The following DDC variants were observed in gnomAD, a reference collection of about 807,000 sequenced individuals.
DDC encodes the protein aromatic-L-amino-acid decarboxylase.
Under a neutral mutation model 60.0 loss-of-function variants are expected in DDC, and 43 were observed. The observed-to-expected ratio is 0.72, with a 90% confidence interval of 0.56 to 0.92. The LOEUF is 0.92. DDC is among the 40% of genes least tolerant of loss of function. The pLI is 0.00. For synonymous variants in DDC, 232 were observed against 234.6 expected (o/e 0.99, Z 0.10); for missense variants, 573 against 620.2 (o/e 0.92, Z 0.81).
chr7:50,492,766 CA>C lies in DDC; in HGVS notation c.944+2583del. The C allele has an allele frequency of 2.1e-6, 3 of 1,456,052 alleles. No homozygotes were observed. In the South Asian group the frequency reaches 4.2e-5, roughly 20 times the overall value. The allele number at this position is 1,456,052 out of a possible 1,614,324, so 90.2% of individuals were successfully genotyped here. A position where few individuals can be genotyped will look rare whatever the true frequency, so the allele number is the denominator to read the frequency against. On this transcript the variant is annotated intron_variant, in intron 9 of 14. Coordinates refer to ENST00000444124, the MANE Select transcript of DDC (RefSeq NM_001082971.2). ...CTTCCCTACATCACCTCCACTTTGTCAAATTTCCCCTCACAGGCTGGTGGCT... is the reference window on the plus strand; with the variant it reads ...CTTCCCTACATCACCTCCACTTTGTCAATTTCCCCTCACAGGCTGGTGGCT...
intron 11 of DDC, among the ~76,000 whole-genome samples, chr7:50,475,222 G>A (rs561947585): frequency 3.5e-4 from 53 of 152,200 alleles, no homozygotes; most frequent in Non-Finnish European, 5.9e-4. Flanking sequence ...ACAGAGGCGC[G>A]AGGATGAAAG....
At chr7:50,534,795 T>C (rs1287832428) in intron 4 of DDC, among the ~76,000 whole-genome samples, 1 of 152,206 alleles carries the variant, frequency 6.6e-6, no homozygotes, top group Non-Finnish European at 1.5e-5. Context: ...GCTGTCCCAC[T>C]GGGTCGCTGA....
Position 50,479,770 on chromosome 7 carries a change from G to A in DDC, c.1021+17C>T. 6.2e-7 allele frequency: 1 copy of A among 1,611,096 alleles called. No individual in the cohort carries two copies. Among genetic ancestry groups the A allele is most frequent in the South Asian group, 1.1e-5 (1 of 90,992 alleles). On this transcript the variant is annotated intron_variant, in intron 10 of 14. Coordinates refer to ENST00000444124, the MANE Select transcript of DDC (RefSeq NM_001082971.2). ...CAAGACCAGAAACAGTCCACAGAAA[G>A]CAGGCTCACAGCTTACCTGAATCCT...
chr7:50,467,292 A>G lies in DDC; in HGVS notation c.1164T>C (p.Phe388=), dbSNP rs369370213. 3.1e-6 allele frequency: 5 copies of G among 1,614,066 alleles called. No homozygotes were observed. The highest frequency in any genetic ancestry group is 4.2e-6 in the Non-Finnish European group (5 of 1,179,994). The change falls in exon 13 of 15, where the codon TTT becomes TTC. Residue 388 remains phenylalanine (F), a synonymous_variant. Coordinates refer to ENST00000444124, the MANE Select transcript of DDC (RefSeq NM_001082971.2). ...IRKHVQLSHE[F]ESLVRQDPRF... ...GGGGATCCTGGCGCACCAGTGACTC[A>G]AACTCATGGGACAGCTGGACATGCT...
chr7:50,535,528 C>T (rs78180266), intron 4 of DDC, among the ~76,000 whole-genome samples: 15,294 of 152,236 alleles, frequency 0.1, 820 homozygotes, highest in South Asian at 0.12. Context: ...AGGAGGAGCA[C>T]GTGGAGGGAT....
At chr7:50,534,664 T>C (rs1229928341) in intron 4 of DDC, among the ~76,000 whole-genome samples, 1 of 151,592 alleles carries the variant, frequency 6.6e-6, no homozygotes, top group Non-Finnish European at 1.5e-5. Flanking sequence ...AAGTAGACCT[T>C]GTCCCGTGTA....
chr7:50,539,725 T>G (rs1252813545), intron 3 of DDC, 190 bp downstream of exon 3: 1 of 593,744 alleles, frequency 1.7e-6, no homozygotes, highest in East Asian at 3.1e-5. Flanking sequence ...AGACTTTCTC[T>G]GTTCTCAATC....
intron 1 of DDC, among the ~76,000 whole-genome samples, chr7:50,562,706 C>A (rs1183432693): frequency 6.6e-6 from 1 of 152,248 alleles, no homozygotes; most frequent in Non-Finnish European, 1.5e-5. Context: ...GCTGGGGCTG[C>A]ACTGCTCCCT....
Position 50,458,448 on chromosome 7 carries a change from T to A in DDC, c.*414A>T, listed in dbSNP as rs2042172617. 6.6e-6 allele frequency: 1 copy of A among 152,236 alleles called. No homozygotes were observed. The highest frequency in any genetic ancestry group is 1.5e-5 in the Non-Finnish European group (1 of 68,032). The allele number at this position is 152,236 out of a possible 1,614,324, so 9.4% of individuals were successfully genotyped here. A position where few individuals can be genotyped will look rare whatever the true frequency, so the allele number is the denominator to read the frequency against. On this transcript the variant is annotated 3_prime_UTR_variant, in exon 15 of 15. Transcript: ENST00000444124. The stretch of plus-strand genomic sequence containing the variant: ...TCATCTGACACAATTAGTATTTCAC[T>A]TGAATTGTTTATTAGGCATTTAGCC...
intron 6 of DDC, among the ~76,000 whole-genome samples, chr7:50,519,038 A>G (rs759164123): frequency 6.6e-6 from 1 of 152,208 alleles, no homozygotes; most frequent in African/African-American, 2.4e-5. Context: ...CAAACAAATC[A>G]GTAACACGAT....
chr7:50,493,022 G>A (rs780626501), intron 9 of DDC: 57 of 1,575,962 alleles, frequency 3.6e-5, no homozygotes, highest in Non-Finnish European at 4.7e-5. Flanking sequence ...GCAGGACGCC[G>A]CATTCATTAC....
At chr7:50,542,333 G>A (rs1205569696) in intron 2 of DDC, 1 of 152,186 alleles carries the variant, frequency 6.6e-6, no homozygotes, top group Non-Finnish European at 1.5e-5. Flanking sequence ...CGCACCTGGA[G>A]GGCCCATGTG....
chr7:50,512,333 T>C (rs1424642475), intron 6 of DDC, among the ~76,000 whole-genome samples: 2 of 152,026 alleles, frequency 1.3e-5, no homozygotes, highest in Non-Finnish European at 2.9e-5. Flanking sequence ...AAAGAGGAGA[T>C]GAAGGAGTAG....
chr7:50,535,919 G>A (rs1364501311), intron 4 of DDC, among the ~76,000 whole-genome samples: 1 of 152,140 alleles, frequency 6.6e-6, no homozygotes, highest in East Asian at 1.9e-4. Context: ...CCCACTTTCC[G>A]ATCTTATATG....
At chr7:50,462,788 T>C (rs1278522292) in intron 14 of DDC, among the ~76,000 whole-genome samples, 3 of 145,612 alleles carry the variant, frequency 2.1e-5, no homozygotes, top group Admixed American at 2.0e-4. Flanking sequence ...TTTTTTTTTT[T>C]TGGACTGAGT....
At chr7:50,529,491 A>C in intron 4 of DDC, 149 bp from the exon 5 acceptor site, 1 of 941,630 alleles carries the variant, frequency 1.1e-6, no homozygotes, top group Non-Finnish European at 1.6e-6. Context: ...CTTAGGAGAA[A>C]ACTAATATTT....
rs111508485 is a variant in DDC, at chr7:50,534,766, C to T, written c.435+3094G>A. Among the ~76,000 whole-genome samples, 297 of 152,344 alleles carry T rather than the reference C, an allele frequency of 1.9e-3. 2 individuals are homozygous for T. Among genetic ancestry groups the T allele is most frequent in the African/African-American group, 6.8e-3 (281 of 41,596 alleles). On this transcript the variant is annotated intron_variant, in intron 4 of 14. Coordinates refer to ENST00000444124, the MANE Select transcript of DDC (RefSeq NM_001082971.2). ...ATGCCCTTGCCTGGAATCAAAACCA[C>T]GCCCTCTGCAGGCACGCAGCTGTCC...
At chr7:50,479,490 G>A (rs373842025) in intron 10 of DDC, among the ~76,000 whole-genome samples, 1 of 152,206 alleles carries the variant, frequency 6.6e-6, no homozygotes, top group East Asian at 1.9e-4. Context: ...CAGGTGGTAT[G>A]CATGCCCATA....
chr7:50,530,532 A>G (rs1203280773), intron 4 of DDC, among the ~76,000 whole-genome samples: 1 of 152,182 alleles, frequency 6.6e-6, no homozygotes, highest in Non-Finnish European at 1.5e-5. Context: ...ATCCCATTTA[A>G]GTTGTAAAAA....
Sources: allele counts gnomAD v4.1 joint callset (sites outside exome capture counted in the v4.1 genomes callset), GRCh38; gene constraint gnomAD v4.1.1; transcripts MANE v1.5; gene names NCBI Gene and HGNC (gene_info 2026-07-23, HGNC 2026-07-21).